Variants in NARS1 observed in about 807,000 individuals in gnomAD.
NARS1 encodes the protein asparaginyl-tRNA synthetase 1, also known as asparagine--tRNA ligase, cytoplasmic.
A neutral mutation model predicts 79.2 loss-of-function variants in NARS1; 65 were observed. The observed-to-expected ratio is 0.82, with a 90% CI of 0.67 to 1.01. The LOEUF (loss-of-function observed/expected upper bound fraction) is 1.01, where lower values mean the gene tolerates loss of function less well. Among genes scored for constraint, NARS1 ranks in the 50% least tolerant of loss-of-function variants. The probability of loss-of-function intolerance (pLI) is 0.00; values close to 1 mark genes in which losing one functional copy is unlikely to be tolerated. For missense variants in NARS1, 649 were observed against 673.8 expected (o/e 0.96, Z 0.41); for synonymous variants, 229 against 238.8 (o/e 0.96, Z 0.38).
intron 5 of NARS1, among the ~76,000 whole-genome samples, chr18:57,612,440 G>T (rs529543282): frequency 6.6e-6 from 1 of 151,906 alleles, no homozygotes; most frequent in Non-Finnish European, 1.5e-5. Context: ...CCCCTCCACC[G>T]TCGCTTTTTT....
At position 57,607,553 on chromosome 18, in the gene NARS1, T is replaced by C. The variant is rs546750079; in HGVS notation, c.692A>G (p.Asn231Ser). 1.1e-5 allele frequency: 18 copies of C among 1,614,176 alleles called. No individual in the cohort carries two copies. In the Middle Eastern group the frequency reaches 6.6e-4, roughly 59 times the overall value. ...NEESDVDVQLNNRHMMIRGEN... is the reference protein window; with the variant it reads ...NEESDVDVQLSNRHMMIRGEN... ...TCCTCGGATCATCATGTGTCTGTTGTTGAGCTGGACATCAACGTCAGACTC... is the reference window on the plus strand; with the variant it reads ...TCCTCGGATCATCATGTGTCTGTTGCTGAGCTGGACATCAACGTCAGACTC... Residue 231 changes from asparagine (N) to serine (S), a missense_variant, in exon 8 of 14, where the codon AAC becomes AGC. By Grantham distance (46) the Asn-to-Ser change is conservative. Transcript: ENST00000256854.
At chr18:57,603,372 TAC>T (rs550890334) in intron 11 of NARS1, among the ~76,000 whole-genome samples, 161 of 152,320 alleles carry the variant, frequency 1.1e-3, no homozygotes, top group Middle Eastern at 3.4e-3. Flanking sequence ...ATCATTGATC[TAC>T]ACACAGAGTA....
At chr18:57,608,147 T>C (rs1022169398) in intron 7 of NARS1, among the ~76,000 whole-genome samples, 2 of 151,578 alleles carry the variant, frequency 1.3e-5, no homozygotes, top group Non-Finnish European at 2.9e-5. Context: ...ATTACAGGCA[T>C]GAGCCACCAT....
chr18:57,613,508 G>C, intron 5 of NARS1, 94 bp downstream of exon 5: 1 of 1,113,496 alleles, frequency 9.0e-7, no homozygotes, highest in Non-Finnish European at 1.3e-6. Flanking sequence ...AAAAGGGGGA[G>C]AGAAAAAAAC....
intron 7 of NARS1, among the ~76,000 whole-genome samples, chr18:57,609,085 C>T (rs148914004): frequency 1.3e-5 from 2 of 152,332 alleles, no homozygotes; most frequent in East Asian, 1.9e-4. Context: ...GCTGCCCTGT[C>T]GGCTTCCCTA....
At chr18:57,609,542 T>C in intron 6 of NARS1, 99 bp from the exon 7 acceptor site, 2 of 850,710 alleles carry the variant, frequency 2.4e-6, no homozygotes, top group South Asian at 3.3e-5. Context: ...AGTTATCTGA[T>C]CAAATACTAG....
chr18:57,611,556 T>C, intron 6 of NARS1, 81 bp downstream of exon 6: 1 of 949,146 alleles, frequency 1.1e-6, no homozygotes, highest in Non-Finnish European at 1.6e-6. Context: ...TAATAAATGT[T>C]TTAAATAAAT....
intron 1 of NARS1, 26 bp downstream of exon 1, chr18:57,621,682 C>T (rs1214301881): frequency 1.9e-6 from 3 of 1,607,436 alleles, no homozygotes; most frequent in Non-Finnish European, 2.6e-6. Flanking sequence ...CAGGGAACAC[C>T]GCGCCATACA....
chr18:57,611,526 A>G, intron 6 of NARS1, 111 bp downstream of exon 6: 1 of 684,650 alleles, frequency 1.5e-6, no homozygotes, highest in Non-Finnish European at 2.4e-6. Context: ...GTTTTGATTC[A>G]TTGACATTCA....
In NARS1 at chr18:57,616,106, G is replaced by A. The variant is rs544310652; in HGVS notation, c.94-131C>T. On this transcript the variant is annotated intron_variant, in intron 2 of 13. Coordinates refer to ENST00000256854, the MANE Select transcript of NARS1 (RefSeq NM_004539.4). ...CCCCAACAGCCAAAAGCTGATATTG[G>A]CACAGTGACTGGTTGAACATTTAAG... 30 of 805,896 alleles carry A rather than the reference G, an allele frequency of 3.7e-5. No homozygotes were observed. In the South Asian group the frequency reaches 5.8e-4, roughly 16 times the overall value. 49.9% of individuals were successfully genotyped at this position (805,896 alleles called of 1,614,324 possible).
At chr18:57,614,414 T>C (rs545393826) in intron 4 of NARS1, among the ~76,000 whole-genome samples, 184 of 152,156 alleles carry the variant, frequency 1.2e-3, no homozygotes, top group African/African-American at 4.0e-3. Context: ...GGCAGGAGGA[T>C]CACTTGAACC....
intron 13 of NARS1, 28 bp from the exon 14 acceptor site, chr18:57,601,811 G>A: frequency 6.2e-7 from 1 of 1,604,038 alleles, no homozygotes; most frequent in Non-Finnish European, 8.5e-7. Context: ...GAAAGAAAGA[G>A]GAGTAAATAC....
rs1908013393 is a variant in NARS1, at chr18:57,615,986, G to A, written c.94-11C>T. The A allele has an allele frequency of 1.3e-6, 2 of 1,585,230 alleles. No individual in the cohort carries two copies. The highest frequency in any genetic ancestry group is 8.5e-7 in the Non-Finnish European group (1 of 1,169,730). ...TACTGTCATCAAAGCCTTGGGTAGG[G>A]AGGAGAGAAAAGACAGTTCTTGAAC... On this transcript the variant is annotated splice_polypyrimidine_tract_variant and intron_variant, in intron 2 of 13. Coordinates refer to ENST00000256854, the MANE Select transcript of NARS1 (RefSeq NM_004539.4).
intron 2 of NARS1, among the ~76,000 whole-genome samples, chr18:57,618,060 T>C (rs1276202780): frequency 6.6e-6 from 1 of 151,518 alleles, no homozygotes; most frequent in South Asian, 2.1e-4. Context: ...GTGGATCACC[T>C]GAGCTCAAGA....
In NARS1 at chr18:57,607,540, C is replaced by G; in HGVS notation, c.705G>C (p.Met235Ile). 3.1e-6 allele frequency: 5 copies of G among 1,614,162 alleles called. No individual in the cohort carries two copies. Among genetic ancestry groups the G allele is most frequent in the Non-Finnish European group, 4.2e-6 (5 of 1,180,040 alleles). Residue 235 changes from methionine to isoleucine, a missense_variant, in exon 8 of 14, where the codon ATG (methionine) becomes ATC (isoleucine). Transcript: ENST00000256854. Reference protein sequence around the residue: ...DVDVQLNNRHMMIRGENMSKI... With the variant: ...DVDVQLNNRHIMIRGENMSKI... ...TGGACATGTTTTCTCCTCGGATCAT[C>G]ATGTGTCTGTTGTTGAGCTGGACAT...
chr18:57,618,803 G>A (rs1340840043), intron 2 of NARS1, among the ~76,000 whole-genome samples: 1 of 152,070 alleles, frequency 6.6e-6, no homozygotes, highest in Non-Finnish European at 1.5e-5. Flanking sequence ...TTGGAAGGCT[G>A]AGGTGGGAGG....
At chr18:57,615,231 A>G (rs1397439191) in intron 4 of NARS1, among the ~76,000 whole-genome samples, 5 of 148,718 alleles carry the variant, frequency 3.4e-5, no homozygotes, top group East Asian at 4.1e-4. Flanking sequence ...GGCCGGGCGC[A>G]GTGGCTCACG....
intron 11 of NARS1, 59 bp downstream of exon 11, chr18:57,605,798 G>C (rs2051550032): frequency 8.7e-7 from 1 of 1,143,128 alleles, no homozygotes; most frequent in South Asian, 1.4e-5. Context: ...TCATTAACCA[G>C]AAGAAGAGAA....
rs1599038777 is a variant in NARS1, at chr18:57,615,554, A to G, written c.342+87T>C. 5.8e-6 allele frequency: 5 copies of G among 860,260 alleles called. No homozygotes were observed. In the East Asian group the frequency reaches 1.2e-4, roughly 21 times the overall value. The allele number at this position is 860,260 out of a possible 1,614,324, so 53.3% of individuals were successfully genotyped here. A position where few individuals can be genotyped will look rare whatever the true frequency, so the allele number is the denominator to read the frequency against. ...GAAAGTAAAAACAAAATGTAAAGGA[A>G]CAAACCATGTGACATGCCCCTCATA... is the stretch of plus-strand genomic sequence containing the variant. On this transcript the variant is annotated intron_variant, in intron 4 of 13. Coordinates refer to ENST00000256854, the MANE Select transcript of NARS1 (RefSeq NM_004539.4).
Sources: gnomAD v4.1 joint callset for allele counts (sites outside exome capture counted in the v4.1 genomes callset) on GRCh38, gnomAD v4.1.1 for gene constraint, MANE v1.5 for transcripts, NCBI Gene and HGNC (gene_info 2026-07-23, HGNC 2026-07-21) for gene names.